The following TMEM108 variants were observed in gnomAD, a reference collection of about 807,000 sequenced individuals.
The protein encoded by TMEM108 is transmembrane protein 108.
A neutral mutation model predicts 35.1 loss-of-function variants in TMEM108; 12 were observed. That is an observed-to-expected ratio of 0.34 (90% CI 0.22 to 0.55). The LOEUF (loss-of-function observed/expected upper bound fraction) is 0.55, where lower values mean the gene tolerates loss of function less well. Ranked by LOEUF, TMEM108 falls within the 20% of genes least tolerant of loss-of-function variation. TMEM108 has a pLI of 0.89. For synonymous variants in TMEM108, 287 were observed against 308.6 expected (o/e 0.93, Z 0.73); for missense variants, 680 against 753.3 (o/e 0.90, Z 1.14).
chr3:133,186,028 A>T (rs1945416276), intron 2 of TMEM108, among the ~76,000 whole-genome samples: 1 of 151,888 alleles, frequency 6.6e-6, no homozygotes, highest in African/African-American at 2.4e-5. Context: ...TCAGCCTCCC[A>T]AAGTGCTGGG....
rs554142032 is a variant in TMEM108 at position 133,275,956 on chromosome 3, A to G, written c.40+46605A>G. On this transcript the variant is annotated intron_variant, in intron 3 of 5. Coordinates refer to ENST00000321871, the MANE Select transcript of TMEM108 (RefSeq NM_023943.4). The stretch of plus-strand genomic sequence containing the variant: ...TGTCAAAAATTGGCCTAGCATTACT[A>G]TGACAGTGCAGTTGTCCTTTGACTA... Among the ~76,000 whole-genome samples, 3 of 152,306 alleles carry G rather than the reference A, an allele frequency of 2.0e-5. No homozygotes were observed. The South Asian group carries it at 6.2e-4, about 32-fold the overall frequency.
At chr3:133,153,081 A>G (rs895613661) in intron 2 of TMEM108, among the ~76,000 whole-genome samples, 2 of 152,128 alleles carry the variant, frequency 1.3e-5, no homozygotes, top group Non-Finnish European at 1.5e-5. Flanking sequence ...AGAAAATCAA[A>G]TTTGATTTGT....
intron 2 of TMEM108, chr3:133,192,672 A>G (rs1370834397): frequency 6.6e-6 from 1 of 152,398 alleles, no homozygotes; most frequent in Admixed American, 6.5e-5. Context: ...AACATGTTTG[A>G]ATCGCCACAG....
At chr3:133,078,880 G>A (rs915329361) in intron 2 of TMEM108, among the ~76,000 whole-genome samples, 3 of 152,056 alleles carry the variant, frequency 2.0e-5, no homozygotes, top group African/African-American at 7.2e-5. Flanking sequence ...TTTATCCAGC[G>A]AATAGATATT....
intron 1 of TMEM108, among the ~76,000 whole-genome samples, chr3:133,040,603 A>G (rs115543254): frequency 7.3e-4 from 111 of 152,274 alleles, no homozygotes; most frequent in African/African-American, 2.6e-3. Flanking sequence ...GAGGAGAGAA[A>G]TTAATCTTTG....
At chr3:133,215,553 T>G (rs1171785909) in intron 2 of TMEM108, among the ~76,000 whole-genome samples, 1 of 152,144 alleles carries the variant, frequency 6.6e-6, no homozygotes. Flanking sequence ...AAGTATTTAT[T>G]TTGGGATTAC....
In TMEM108 at chr3:133,346,693, T is replaced by C. The variant is rs2071827275; in HGVS notation, c.41-33059T>C. ...TTTTTCTTTCATAGGCTTTGCTTTT[T>C]GTGTTGTATCTAAAAACTCATGAAA... On this transcript the variant is annotated intron_variant, in intron 3 of 5. Transcript: ENST00000321871. This position sits in a 1 kb window ranked among gnomAD's most constrained non-coding sequence, Gnocchi z 4.0. Among the ~76,000 whole-genome samples the C allele has an allele frequency of 6.6e-6, 1 of 152,090 alleles. No homozygotes were observed. Among genetic ancestry groups the C allele is most frequent in the African/African-American group, 2.4e-5 (1 of 41,450 alleles).
intron 2 of TMEM108, among the ~76,000 whole-genome samples, chr3:133,122,410 G>A (rs1242726122): frequency 6.6e-6 from 1 of 152,172 alleles, no homozygotes; most frequent in East Asian, 1.9e-4. Context: ...TGCTAGAGCT[G>A]TGGATGGTTT....
At chr3:133,087,552 G>A (rs1193460839) in intron 2 of TMEM108, among the ~76,000 whole-genome samples, 1 of 152,104 alleles carries the variant, frequency 6.6e-6, no homozygotes, top group Non-Finnish European at 1.5e-5. Context: ...ATGAAACTGT[G>A]GCATTGTGAC....
chr3:133,140,695 C>T (rs1001181096), intron 2 of TMEM108, among the ~76,000 whole-genome samples: 4 of 152,140 alleles, frequency 2.6e-5, no homozygotes, highest in African/African-American at 7.2e-5. Context: ...TTATTCCCTT[C>T]TATTTTCTGT....
chr3:133,296,541 A>G (rs945011742), intron 3 of TMEM108, among the ~76,000 whole-genome samples: 5 of 152,168 alleles, frequency 3.3e-5, no homozygotes, highest in Non-Finnish European at 7.4e-5. Context: ...GCTGCCAAAA[A>G]AAAAAACACA....
At chr3:133,094,220 C>T (rs1943983150) in intron 2 of TMEM108, among the ~76,000 whole-genome samples, 1 of 106,128 alleles carries the variant, frequency 9.4e-6, no homozygotes, top group South Asian at 3.9e-4. Flanking sequence ...TCCCACCTCC[C>T]ACCCCACCCC....
intron 3 of TMEM108, among the ~76,000 whole-genome samples, chr3:133,272,515 G>A (rs954375416): frequency 1.3e-5 from 2 of 151,852 alleles, no homozygotes; most frequent in Non-Finnish European, 2.9e-5. Flanking sequence ...CCAAAGTCAC[G>A]CAGCTAACCA....
intron 2 of TMEM108, among the ~76,000 whole-genome samples, chr3:133,106,657 T>A (rs1183436383): frequency 6.6e-6 from 1 of 152,252 alleles, no homozygotes; most frequent in Non-Finnish European, 1.5e-5. Flanking sequence ...TGCAGCTTGC[T>A]TTATTGGATC....
intron 2 of TMEM108, among the ~76,000 whole-genome samples, chr3:133,226,252 T>C (rs1946069602): frequency 6.6e-6 from 1 of 152,196 alleles, no homozygotes; most frequent in Admixed American, 6.5e-5. Context: ...ATTGCAAATG[T>C]TTCCTGTTCA....
chr3:133,181,026 A>AAAC, intron 2 of TMEM108, among the ~76,000 whole-genome samples: 1 of 145,386 alleles, frequency 6.9e-6, no homozygotes, highest in East Asian at 1.9e-4. Context: ...AAAAAAAAAA[A>AAAC]AAAAAAAAAA....
chr3:133,241,772 G>A lies in TMEM108; in HGVS notation c.40+12421G>A, dbSNP rs138069535. Among the ~76,000 whole-genome samples the A allele has an allele frequency of 6.2e-3, 946 of 151,910 alleles. 12 individuals are homozygous for A. Among genetic ancestry groups the A allele is most frequent in the African/African-American group, 0.021 (888 of 41,426 alleles). On this transcript the variant is annotated intron_variant, in intron 3 of 5. Coordinates refer to ENST00000321871, the MANE Select transcript of TMEM108 (RefSeq NM_023943.4). ...TGGGATTACAGGTGCACGCCACCACGCCCAGCTAATTTTGCATTTTTAGTA... is the reference window on the plus strand; with the variant it reads ...TGGGATTACAGGTGCACGCCACCACACCCAGCTAATTTTGCATTTTTAGTA...
rs2072959926 is a variant in TMEM108 at position 133,380,083 on chromosome 3, C to A, written c.372C>A (p.Thr124=). Reference sequence around the variant, plus strand: ...GGCCCGCTCCAGCAGCCATGGCAACCACATCCTCCAAGCCAGAGGGCCGCC... The same window carrying A: ...GGCCCGCTCCAGCAGCCATGGCAACAACATCCTCCAAGCCAGAGGGCCGCC... The part of the protein sequence containing the change: ...STGPAPAAMA[T]TSSKPEGRPR... Residue 124 remains threonine, a synonymous_variant, in exon 4 of 6, where the codon ACC becomes ACA. Coordinates refer to ENST00000321871, the MANE Select transcript of TMEM108 (RefSeq NM_023943.4). The surrounding 1 kb of genome is among the most constrained non-coding windows in gnomAD (Gnocchi z 5.3). The A allele has an allele frequency of 6.2e-7, 1 of 1,614,034 alleles. No homozygotes were observed. Among genetic ancestry groups the A allele is most frequent in the Non-Finnish European group, 8.5e-7 (1 of 1,179,988 alleles).
chr3:133,268,345 A>G (rs1197599604), intron 3 of TMEM108, among the ~76,000 whole-genome samples: 1 of 152,208 alleles, frequency 6.6e-6, no homozygotes, highest in East Asian at 1.9e-4. Context: ...GTACATGGAC[A>G]AGCAGCTTTG....
Sources: gnomAD v4.1 joint callset for allele counts (sites outside exome capture counted in the v4.1 genomes callset) on GRCh38, gnomAD v4.1.1 for gene constraint, Gnocchi (gnomAD v3.1) non-coding constraint, MANE v1.5 for transcripts, NCBI Gene and HGNC (gene_info 2026-07-23, HGNC 2026-07-21) for gene names.